Variants in NOS1AP observed in about 807,000 individuals in gnomAD.
NOS1AP encodes nitric oxide synthase 1 adaptor protein.
NOS1AP carries 21 observed loss-of-function variants against 56.2 expected under a neutral mutation model. That is an observed-to-expected ratio of 0.37 (90% CI 0.26 to 0.54). NOS1AP has a LOEUF of 0.54. Ranked by LOEUF, NOS1AP falls within the 20% of genes least tolerant of loss-of-function variation. The pLI is 0.84. For synonymous variants in NOS1AP, 270 were observed against 274.6 expected, an observed-to-expected ratio of 0.98 and a Z score of 0.17; for missense variants, 522 against 657.8, an observed-to-expected ratio of 0.79 and a Z score of 2.26.
intron 1 of NOS1AP, among the ~76,000 whole-genome samples, chr1:162,088,923 T>G (rs1346214880): frequency 1.3e-5 from 2 of 152,180 alleles, no homozygotes; most frequent in Non-Finnish European, 2.9e-5. Flanking sequence ...TGGAGACCGA[T>G]ACCTCTTTTG....
chr1:162,146,866 TA>T (rs1649482605), intron 1 of NOS1AP, among the ~76,000 whole-genome samples: 1 of 152,238 alleles, frequency 6.6e-6, no homozygotes, highest in Non-Finnish European at 1.5e-5. Flanking sequence ...TATTATGAAC[TA>T]ACATTCACAG....
intron 1 of NOS1AP, among the ~76,000 whole-genome samples, chr1:162,086,319 G>A (rs1179965399): frequency 1.3e-5 from 2 of 152,138 alleles, no homozygotes; most frequent in East Asian, 1.9e-4. Context: ...CTGCAGGCAC[G>A]AGGTGGTAGT....
chr1:162,311,093 A>G (rs1377308926), intron 4 of NOS1AP, among the ~76,000 whole-genome samples: 1 of 151,876 alleles, frequency 6.6e-6, no homozygotes, highest in Admixed American at 6.6e-5. Context: ...AGCCCTGGGT[A>G]TGTCTTTGTC....
chr1:162,350,939 C>T (rs72700193), intron 6 of NOS1AP, among the ~76,000 whole-genome samples: 4,892 of 152,286 alleles, frequency 0.032, 110 homozygotes, highest in Non-Finnish European at 0.05. Flanking sequence ...TGAGCACCGA[C>T]ATGACACCGC....
chr1:162,365,664 C>T, intron 9 of NOS1AP, 95 bp downstream of exon 9: 1 of 1,451,246 alleles, frequency 6.9e-7, no homozygotes, highest in Non-Finnish European at 9.4e-7. Flanking sequence ...TCTTGGACCC[C>T]TGACCTACCC....
intron 3 of NOS1AP, among the ~76,000 whole-genome samples, chr1:162,293,520 C>T (rs1377552091): frequency 6.6e-6 from 1 of 152,230 alleles, no homozygotes; most frequent in Non-Finnish European, 1.5e-5. Context: ...TCCCATATAA[C>T]ATTCCTTGCC....
At chr1:162,171,624 T>C (rs948695230) in intron 2 of NOS1AP, among the ~76,000 whole-genome samples, 4 of 152,178 alleles carry the variant, frequency 2.6e-5, no homozygotes, top group African/African-American at 9.7e-5. Flanking sequence ...CTTGGAGCCT[T>C]TGGGGACTAA....
chr1:162,247,667 T>TA (rs1449574893), intron 2 of NOS1AP, among the ~76,000 whole-genome samples: 1 of 151,894 alleles, frequency 6.6e-6, no homozygotes, highest in Non-Finnish European at 1.5e-5. Flanking sequence ...CTTGAAAACT[T>TA]ACCTATGAAA....
At chr1:162,229,317 A>T (rs973030925) in intron 2 of NOS1AP, among the ~76,000 whole-genome samples, 2 of 152,218 alleles carry the variant, frequency 1.3e-5, no homozygotes, top group Non-Finnish European at 2.9e-5. Flanking sequence ...TCTGTAGGGG[A>T]GAGAGGAAAC....
intron 5 of NOS1AP, among the ~76,000 whole-genome samples, chr1:162,340,992 G>A (rs1348555715): frequency 6.6e-6 from 1 of 152,082 alleles, no homozygotes; most frequent in African/African-American, 2.4e-5. Context: ...GCTCAGTTCT[G>A]AGCATAGCCC....
chr1:162,255,908 G>C (rs1260134308), intron 2 of NOS1AP, among the ~76,000 whole-genome samples: 1 of 152,184 alleles, frequency 6.6e-6, no homozygotes, highest in Non-Finnish European at 1.5e-5. Context: ...ACTTTGGGAG[G>C]CTGAGGCAGC....
intron 4 of NOS1AP, among the ~76,000 whole-genome samples, chr1:162,311,643 A>G (rs1358498926): frequency 6.7e-6 from 1 of 150,012 alleles, no homozygotes; most frequent in Non-Finnish European, 1.5e-5. Context: ...CAGGTTAGTT[A>G]CATATGTATA....
At chr1:162,299,141 T>A (rs1655561932) in intron 3 of NOS1AP, among the ~76,000 whole-genome samples, 1 of 152,222 alleles carries the variant, frequency 6.6e-6, no homozygotes, top group Admixed American at 6.5e-5. Context: ...GGACTTTAAC[T>A]CTGAAGAATT....
intron 3 of NOS1AP, among the ~76,000 whole-genome samples, chr1:162,289,230 T>TTCCTTCCA: frequency 4.8e-5 from 1 of 20,630 alleles, no homozygotes; most frequent in African/African-American, 2.8e-4. Flanking sequence ...CCTTCCTTCC[T>TTCCTTCCA]TCCTTCCTTC....
At chr1:162,131,600 T>G (rs1024738874) in intron 1 of NOS1AP, among the ~76,000 whole-genome samples, 1 of 151,956 alleles carries the variant, frequency 6.6e-6, no homozygotes, top group African/African-American at 2.4e-5. Context: ...GCAATGTCCT[T>G]GCAGGGACAT....
chr1:162,367,377 C>T lies in NOS1AP; in HGVS notation c.1431C>T (p.Asp477=), dbSNP rs776163913. Residue 477 remains aspartate (D), a synonymous_variant, in exon 10 of 10, where the codon GAC becomes GAT. Coordinates refer to ENST00000361897, the MANE Select transcript of NOS1AP (RefSeq NM_014697.3). The surrounding 1 kb of genome is among the most constrained non-coding windows in gnomAD (Gnocchi z 6.5). The part of the protein sequence containing the change: ...ESNTDESEER[D]SWSQEELPRL... Reference sequence around the variant, plus strand: ...ACACGGACGAGAGCGAGGAGCGCGACTCGTGGTCCCAGGAGGAGCTGCCGC... The same window carrying T: ...ACACGGACGAGAGCGAGGAGCGCGATTCGTGGTCCCAGGAGGAGCTGCCGC... The T allele has an allele frequency of 9.3e-6, 15 of 1,609,554 alleles. No homozygotes were observed. In the South Asian group the frequency reaches 1.2e-4, roughly 13 times the overall value.
chr1:162,284,458 T>C (rs1050699038), intron 2 of NOS1AP, among the ~76,000 whole-genome samples: 3 of 152,182 alleles, frequency 2.0e-5, no homozygotes, highest in Admixed American at 6.5e-5. Context: ...TGGAGGCCTA[T>C]TTCCTGCCTC....
chr1:162,155,425 A>G (rs1346047662), intron 2 of NOS1AP, among the ~76,000 whole-genome samples: 1 of 149,136 alleles, frequency 6.7e-6, no homozygotes, highest in African/African-American at 2.5e-5. Context: ...TAGAGCCTAT[A>G]TACATACATA....
intron 1 of NOS1AP, among the ~76,000 whole-genome samples, chr1:162,122,269 C>A (rs1327454010): frequency 2.0e-5 from 3 of 152,054 alleles, no homozygotes; most frequent in Admixed American, 6.6e-5. Context: ...ACCCCAGTGC[C>A]AAAAAGTGAA....
Sources: allele counts gnomAD v4.1 joint callset (sites outside exome capture counted in the v4.1 genomes callset), GRCh38; gene constraint gnomAD v4.1.1; non-coding constraint Gnocchi (gnomAD v3.1); transcripts MANE v1.5; gene names NCBI Gene and HGNC (gene_info 2026-07-23, HGNC 2026-07-21).